Variants in FOXN3 observed in about 807,000 individuals in gnomAD.
FOXN3 encodes forkhead box N3.
A neutral mutation model predicts 38.4 loss-of-function variants in FOXN3; 7 were observed. The ratio of observed to expected loss-of-function variants is 0.18; its 90% CI spans 0.10 to 0.34. The LOEUF (loss-of-function observed/expected upper bound fraction) is 0.34. Among genes scored for constraint, FOXN3 ranks in the 10% least tolerant of loss-of-function variants. The pLI, the probability that FOXN3 is intolerant of heterozygous loss-of-function variation, is 1.00. For synonymous variants in FOXN3, 230 were observed against 242.2 expected (o/e 0.95, Z 0.47); for missense variants, 456 against 613.4 (o/e 0.74, Z 2.71).
chr14:89,371,170 G>C (rs567624595), intron 2 of FOXN3, among the ~76,000 whole-genome samples: 2 of 152,250 alleles, frequency 1.3e-5, no homozygotes, highest in South Asian at 4.2e-4. Flanking sequence ...GGGTCAGAGA[G>C]GCTGCGAAGA....
intron 2 of FOXN3, among the ~76,000 whole-genome samples, chr14:89,408,451 T>C (rs1891449834): frequency 1.3e-5 from 2 of 151,444 alleles, no homozygotes. Context: ...TGTAGAGACA[T>C]ACATGTTGCC....
intron 2 of FOXN3, among the ~76,000 whole-genome samples, chr14:89,377,683 A>C (rs1461701763): frequency 1.3e-5 from 2 of 152,248 alleles, no homozygotes; most frequent in Non-Finnish European, 2.9e-5. Flanking sequence ...ACCATCTGTA[A>C]AACCTTATTG....
At chr14:89,303,048 G>C (rs1250484921) in intron 3 of FOXN3, among the ~76,000 whole-genome samples, 1 of 152,138 alleles carries the variant, frequency 6.6e-6, no homozygotes, top group Non-Finnish European at 1.5e-5. Context: ...AATGACTCCT[G>C]GCTCCCTGTG....
In FOXN3 at chr14:89,374,081, C is replaced by G. The variant is rs565509492; in HGVS notation, c.544-23273G>C. On this transcript the variant is annotated intron_variant, in intron 2 of 5. Coordinates refer to ENST00000557258, the MANE Select transcript of FOXN3 (RefSeq NM_005197.4). The stretch of plus-strand genomic sequence containing the variant: ...AGGAGTTCAAGATCAGTCTGGGCAA[C>G]ACGAGGAAACCTCATCTCTAGAAAA... Among the ~76,000 whole-genome samples the G allele has an allele frequency of 2.8e-3, 419 of 151,580 alleles. 1 individual carries two copies. Among genetic ancestry groups the G allele is most frequent in the African/African-American group, 9.7e-3 (400 of 41,302 alleles).
intron 1 of FOXN3, among the ~76,000 whole-genome samples, chr14:89,414,053 G>A (rs1299021624): frequency 6.6e-6 from 1 of 152,022 alleles, no homozygotes; most frequent in Non-Finnish European, 1.5e-5. Flanking sequence ...GGTAGCTCAT[G>A]CTTATAATCC....
At chr14:89,225,127 CAAAAA>C (rs35426984) in intron 4 of FOXN3, among the ~76,000 whole-genome samples, 3 of 102,288 alleles carry the variant, frequency 2.9e-5, no homozygotes, top group African/African-American at 1.2e-4. Flanking sequence ...GACTCCATCT[CAAAAA>C]AAAAAAAAAA....
At chr14:89,331,607 C>G (rs1429187187) in intron 3 of FOXN3, among the ~76,000 whole-genome samples, 1 of 152,208 alleles carries the variant, frequency 6.6e-6, no homozygotes, top group East Asian at 1.9e-4. Context: ...CCACATGGGT[C>G]TCCTCTGTGT....
intron 2 of FOXN3, among the ~76,000 whole-genome samples, chr14:89,370,827 CG>C (rs1311860350): frequency 6.6e-6 from 1 of 152,168 alleles, no homozygotes; most frequent in Non-Finnish European, 1.5e-5. Context: ...CCAGTGAGGA[CG>C]TAACTTCATT....
chr14:89,198,274 A>G (rs1888149289), intron 4 of FOXN3, among the ~76,000 whole-genome samples: 1 of 152,248 alleles, frequency 6.6e-6, no homozygotes, highest in Non-Finnish European at 1.5e-5. Context: ...ACGTATTATA[A>G]GTAACCTAGA....
At chr14:89,576,166 C>T (rs1486138004) in intron 1 of FOXN3, 1 of 152,234 alleles carries the variant, frequency 6.6e-6, no homozygotes, top group African/African-American at 2.4e-5. Context: ...CGTGCTCTAG[C>T]ATTTAGCACA....
chr14:89,190,159 A>G (rs925858219), intron 4 of FOXN3, among the ~76,000 whole-genome samples: 1 of 152,248 alleles, frequency 6.6e-6, no homozygotes, highest in Non-Finnish European at 1.5e-5. Flanking sequence ...CTGAAATTAT[A>G]TAAGAACTTT....
At chr14:89,521,976 C>T (rs1404009739) in intron 1 of FOXN3, among the ~76,000 whole-genome samples, 1 of 150,314 alleles carries the variant, frequency 6.7e-6, no homozygotes, top group East Asian at 2.0e-4. Context: ...ACCATGATCA[C>T]ACCACAGCAC....
intron 4 of FOXN3, among the ~76,000 whole-genome samples, chr14:89,245,360 C>T (rs547522607): frequency 6.6e-6 from 1 of 152,114 alleles, no homozygotes; most frequent in African/African-American, 2.4e-5. Context: ...AGTGTTTCTG[C>T]ACACAAAACA....
In FOXN3 at chr14:89,190,047, G is replaced by A. The variant is rs568237346; in HGVS notation, c.746-9241C>T. Among the ~76,000 whole-genome samples the A allele has an allele frequency of 8.5e-5, 13 of 152,298 alleles. No homozygotes were observed. In the South Asian group the frequency reaches 2.7e-3, roughly 32 times the overall value. On this transcript the variant is annotated intron_variant, in intron 4 of 5. Transcript: ENST00000557258. ...GTTGACCCCATGTAGCCTCTTCTAG[G>A]AGAAACTACAAACTCACAGGAACAA...
At chr14:89,352,568 C>A (rs1234738804) in intron 2 of FOXN3, among the ~76,000 whole-genome samples, 1 of 152,184 alleles carries the variant, frequency 6.6e-6, no homozygotes, top group African/African-American at 2.4e-5. Context: ...CCAGTGGGAC[C>A]TGCCTTTCTG....
chr14:89,415,951 G>T (rs368207119), intron 1 of FOXN3, among the ~76,000 whole-genome samples: 4 of 151,514 alleles, frequency 2.6e-5, no homozygotes, highest in African/African-American at 9.7e-5. Context: ...GAGAAAATGC[G>T]GCAAGAAAGC....
chr14:89,358,357 T>C (rs1889319705), intron 2 of FOXN3, among the ~76,000 whole-genome samples: 1 of 152,180 alleles, frequency 6.6e-6, no homozygotes, highest in Non-Finnish European at 1.5e-5. Context: ...GTTAAGGGAT[T>C]TGGGCTGGGT....
chr14:89,327,706 C>T (rs1444923233), intron 3 of FOXN3, among the ~76,000 whole-genome samples: 1 of 152,152 alleles, frequency 6.6e-6, no homozygotes, highest in Non-Finnish European at 1.5e-5. Context: ...CCAGAGTTGC[C>T]CAAGTCTCCC....
chr14:89,388,856 G>A (rs1464301736), intron 2 of FOXN3, among the ~76,000 whole-genome samples: 1 of 151,916 alleles, frequency 6.6e-6, no homozygotes, highest in Non-Finnish European at 1.5e-5. Flanking sequence ...GGTGGGAGAC[G>A]AGGCTGCTAC....
Sources: gnomAD v4.1 joint callset for allele counts (sites outside exome capture counted in the v4.1 genomes callset) on GRCh38, gnomAD v4.1.1 for gene constraint, MANE v1.5 for transcripts, NCBI Gene and HGNC (gene_info 2026-07-23, HGNC 2026-07-21) for gene names.